The following ZNF385B variants were observed in gnomAD, a reference collection of about 807,000 sequenced individuals.
ZNF385B encodes zinc finger protein 533.
A neutral mutation model predicts 39.2 loss-of-function variants in ZNF385B; 23 were observed. The observed-to-expected ratio is 0.59, with a 90% CI of 0.42 to 0.83. The LOEUF (loss-of-function observed/expected upper bound fraction) is 0.83, where lower values mean the gene tolerates loss of function less well. Ranked by LOEUF, ZNF385B falls within the 40% of genes least tolerant of loss-of-function variation. The pLI is 0.00. For missense variants in ZNF385B, 552 were observed against 598.9 expected (o/e 0.92, Z 0.82); for synonymous variants, 205 against 222.6 (o/e 0.92, Z 0.70).
At chr2:179,548,666 G>T (rs535010442) in intron 3 of ZNF385B, among the ~76,000 whole-genome samples, 1 of 149,468 alleles carries the variant, frequency 6.7e-6, no homozygotes, top group African/African-American at 2.5e-5. Flanking sequence ...GAGGAGCAAA[G>T]ACATGTCTCA....
At chr2:179,482,317 C>T (rs1383479868) in intron 6 of ZNF385B, among the ~76,000 whole-genome samples, 3 of 152,134 alleles carry the variant, frequency 2.0e-5, no homozygotes, top group Non-Finnish European at 4.4e-5. Flanking sequence ...TGTGTGTTTC[C>T]CACAAGAGGG....
intron 3 of ZNF385B, among the ~76,000 whole-genome samples, chr2:179,598,902 T>A (rs908665186): frequency 6.6e-6 from 1 of 152,190 alleles, no homozygotes; most frequent in African/African-American, 2.4e-5. Flanking sequence ...TTATATTGAT[T>A]CTTTTAATAA....
chr2:179,721,642 TAAAG>T (rs1206755573), intron 3 of ZNF385B, among the ~76,000 whole-genome samples: 1 of 151,948 alleles, frequency 6.6e-6, no homozygotes, highest in Non-Finnish European at 1.5e-5. Context: ...ATTATTTCAA[TAAAG>T]AGAGAAAAAG....
intron 5 of ZNF385B, among the ~76,000 whole-genome samples, chr2:179,498,018 T>G (rs1278478001): frequency 6.6e-6 from 1 of 152,096 alleles, no homozygotes; most frequent in Non-Finnish European, 1.5e-5. Flanking sequence ...TATAAAAATT[T>G]TAATATACAT....
intron 1 of ZNF385B, among the ~76,000 whole-genome samples, chr2:179,800,087 A>G (rs568146685): frequency 1.3e-5 from 2 of 152,230 alleles, no homozygotes; most frequent in Non-Finnish European, 2.9e-5. Context: ...TCCATCTCTG[A>G]TTATTCAATA....
intron 1 of ZNF385B, among the ~76,000 whole-genome samples, chr2:179,780,387 C>T (rs542109806): frequency 1.3e-5 from 2 of 152,252 alleles, no homozygotes; most frequent in East Asian, 3.9e-4. Flanking sequence ...GCCTCCTGAC[C>T]CACATCATGG....
At chr2:179,676,400 A>G (rs767274629) in intron 3 of ZNF385B, among the ~76,000 whole-genome samples, 3 of 151,760 alleles carry the variant, frequency 2.0e-5, no homozygotes, top group Non-Finnish European at 4.4e-5. Flanking sequence ...ATTTTTTTGT[A>G]TTTTTAGTAG....
chr2:179,522,412 C>A (rs775650543), intron 4 of ZNF385B, among the ~76,000 whole-genome samples: 2 of 152,082 alleles, frequency 1.3e-5, no homozygotes, highest in Non-Finnish European at 2.9e-5. Flanking sequence ...GATGATAATT[C>A]TTTTATTCTA....
intron 1 of ZNF385B, among the ~76,000 whole-genome samples, chr2:179,819,321 C>T (rs1446961042): frequency 2.0e-5 from 3 of 152,030 alleles, no homozygotes; most frequent in African/African-American, 4.8e-5. Context: ...GCTCCACTTC[C>T]GAGCCAGTGC....
At chr2:179,717,245 C>T (rs1335138756) in intron 3 of ZNF385B, among the ~76,000 whole-genome samples, 2 of 152,146 alleles carry the variant, frequency 1.3e-5, no homozygotes, top group East Asian at 1.9e-4. Context: ...CCATTTTTGG[C>T]TTCCATGAAG....
At chr2:179,830,840 A>G (rs898881775) in intron 1 of ZNF385B, among the ~76,000 whole-genome samples, 2 of 152,232 alleles carry the variant, frequency 1.3e-5, no homozygotes, top group East Asian at 1.9e-4. Context: ...AAGAGTGAAC[A>G]TTAATGCAAA....
intron 3 of ZNF385B, among the ~76,000 whole-genome samples, chr2:179,577,301 C>T (rs998628119): frequency 6.6e-6 from 1 of 151,946 alleles, no homozygotes; most frequent in Admixed American, 6.6e-5. Flanking sequence ...AATATTTTTT[C>T]CATTTAAAGC....
chr2:179,600,007 G>T (rs1190265118), intron 3 of ZNF385B, among the ~76,000 whole-genome samples: 1 of 152,136 alleles, frequency 6.6e-6, no homozygotes, highest in African/African-American at 2.4e-5. Flanking sequence ...ATGCCATTAT[G>T]ACTATGTGGA....
intron 3 of ZNF385B, among the ~76,000 whole-genome samples, chr2:179,597,617 C>T (rs753444791): frequency 3.9e-5 from 6 of 152,254 alleles, no homozygotes; most frequent in African/African-American, 7.2e-5. Flanking sequence ...ACACGACATA[C>T]GCACAGATAT....
intron 3 of ZNF385B, among the ~76,000 whole-genome samples, chr2:179,630,954 A>G (rs147860683): frequency 0.11 from 16,397 of 152,254 alleles, 1,029 homozygotes; most frequent in Non-Finnish European, 0.14. Flanking sequence ...ATAAAGTGAG[A>G]AGACAAGGTT....
intron 3 of ZNF385B, among the ~76,000 whole-genome samples, chr2:179,626,549 T>G (rs1278306766): frequency 6.6e-6 from 1 of 152,164 alleles, no homozygotes; most frequent in East Asian, 1.9e-4. Context: ...TTTCAAATGC[T>G]TTTAGTATTA....
At chr2:179,542,233 T>C (rs1033662878) in intron 4 of ZNF385B, among the ~76,000 whole-genome samples, 1 of 152,178 alleles carries the variant, frequency 6.6e-6, no homozygotes, top group Non-Finnish European at 1.5e-5. Flanking sequence ...GGAAAAATCA[T>C]AGGTCACCCA....
intron 1 of ZNF385B, among the ~76,000 whole-genome samples, chr2:179,840,928 G>A (rs1174054283): frequency 1.3e-5 from 2 of 152,208 alleles, no homozygotes; most frequent in South Asian, 2.1e-4. Flanking sequence ...GCTTTTCTGA[G>A]CTTTAAAGAA....
intron 3 of ZNF385B, among the ~76,000 whole-genome samples, chr2:179,766,200 A>T (rs1703682879): frequency 1.3e-5 from 2 of 152,118 alleles, no homozygotes; most frequent in African/African-American, 4.8e-5. Context: ...ACCTTTTATT[A>T]CTAGAAACAA....
Sources: gnomAD v4.1 joint callset for allele counts (sites outside exome capture counted in the v4.1 genomes callset) on GRCh38, gnomAD v4.1.1 for gene constraint, MANE v1.5 for transcripts, NCBI Gene and HGNC (gene_info 2026-07-23, HGNC 2026-07-21) for gene names.